Variants in RGS12 observed in about 807,000 individuals in gnomAD.
RGS12 encodes regulator of G protein signaling 12, also known as regulator of G-protein signaling 12.
RGS12 carries 66 observed loss-of-function variants against 120.1 expected under a neutral mutation model. That is an observed-to-expected ratio of 0.55 (90% confidence interval 0.45 to 0.67). The LOEUF (loss-of-function observed/expected upper bound fraction) is 0.67. Among genes scored for constraint, RGS12 ranks in the 30% least tolerant of loss-of-function variants. The pLI is 0.00. For missense variants in RGS12, 1,859 were observed against 1,957.7 expected, an observed-to-expected ratio of 0.95 and a Z score of 0.95; for synonymous variants, 827 against 804.7, an observed-to-expected ratio of 1.03 and a Z score of -0.47.
At chr4:3,302,500 G>A (rs1453544881) in intron 1 of RGS12, among the ~76,000 whole-genome samples, 2 of 152,228 alleles carry the variant, frequency 1.3e-5, no homozygotes, top group African/African-American at 2.4e-5. Context: ...ACAGAGACAC[G>A]GGCAGGTGGG....
chr4:3,375,262 C>CCCTCATCTCCAG (rs1249225347), intron 3 of RGS12, among the ~76,000 whole-genome samples: 4 of 138,834 alleles, frequency 2.9e-5, no homozygotes, highest in Admixed American at 2.1e-4. Context: ...TCATCTCCAG[C>CCCTCATCTCCAG]CCTCATCTCC....
intron 1 of RGS12, among the ~76,000 whole-genome samples, chr4:3,315,244 A>T (rs1180625051): frequency 3.3e-5 from 5 of 152,170 alleles, no homozygotes. Context: ...GCTGTAATGA[A>T]TCTCAGCTGT....
At chr4:3,353,167 C>G (rs1714532625) in intron 3 of RGS12, among the ~76,000 whole-genome samples, 1 of 152,206 alleles carries the variant, frequency 6.6e-6, no homozygotes, top group Non-Finnish European at 1.5e-5. Flanking sequence ...TGAACCAGAT[C>G]ATACAGGCCC....
At chr4:3,425,062 CTTCAT>C (rs997761477) in intron 13 of RGS12, among the ~76,000 whole-genome samples, 6 of 152,248 alleles carry the variant, frequency 3.9e-5, no homozygotes, top group Non-Finnish European at 7.3e-5. Flanking sequence ...GCTAGTGGCG[CTTCAT>C]TTCAGCCTCA....
At chr4:3,388,720 C>G (rs1719129807) in intron 4 of RGS12, among the ~76,000 whole-genome samples, 1 of 152,252 alleles carries the variant, frequency 6.6e-6, no homozygotes, top group African/African-American at 2.4e-5. Context: ...TCCCCCACAC[C>G]CTGCCCTCCA....
intron 16 of RGS12, among the ~76,000 whole-genome samples, chr4:3,429,618 G>A (rs566709680): frequency 1.3e-5 from 2 of 152,314 alleles, no homozygotes; most frequent in East Asian, 3.9e-4. Context: ...CATCTACCTC[G>A]AATGGTGGCC....
intron 3 of RGS12, among the ~76,000 whole-genome samples, chr4:3,377,769 C>T (rs543717462): frequency 6.6e-6 from 1 of 152,310 alleles, no homozygotes; most frequent in African/African-American, 2.4e-5. Context: ...GAGTCCTTGT[C>T]AGCTGAGCTG....
chr4:3,331,329 A>G (rs546688864), intron 2 of RGS12, among the ~76,000 whole-genome samples: 1 of 152,330 alleles, frequency 6.6e-6, no homozygotes, highest in South Asian at 2.1e-4. Context: ...GAAAACTGGG[A>G]AGAATCCAGG....
intron 7 of RGS12, 72 bp downstream of exon 7, chr4:3,416,193 A>T (rs1722381424): frequency 6.5e-7 from 1 of 1,548,712 alleles, no homozygotes; most frequent in African/African-American, 1.4e-5. Context: ...CCTTCAAAGA[A>T]CACGTGCTAT....
chr4:3,423,449 T>G (rs1723253785), intron 12 of RGS12, 66 bp from the exon 13 acceptor site: 1 of 1,597,438 alleles, frequency 6.3e-7, no homozygotes, highest in African/African-American at 1.3e-5. Context: ...GTAGTTCTGC[T>G]CGTGAGACTG....
intron 4 of RGS12, among the ~76,000 whole-genome samples, chr4:3,411,569 A>G (rs566117287): frequency 6.6e-6 from 1 of 152,368 alleles, no homozygotes; most frequent in South Asian, 2.1e-4. Flanking sequence ...ATAGGCAAGT[A>G]TCGGCGTGAT....
chr4:3,400,511 A>C (rs1720470584), intron 4 of RGS12, among the ~76,000 whole-genome samples: 1 of 152,076 alleles, frequency 6.6e-6, no homozygotes, highest in Non-Finnish European at 1.5e-5. Flanking sequence ...CTGGAGGCCA[A>C]AGGAGCATCT....
At chr4:3,309,428 T>A (rs1358814517) in intron 1 of RGS12, among the ~76,000 whole-genome samples, 5 of 92,688 alleles carry the variant, frequency 5.4e-5, no homozygotes, top group Non-Finnish European at 6.4e-5. Flanking sequence ...AGGGGAACCG[T>A]GCAGGGGAGG....
intron 4 of RGS12, among the ~76,000 whole-genome samples, chr4:3,412,359 C>T (rs1444335895): frequency 2.0e-5 from 3 of 152,262 alleles, no homozygotes; most frequent in Non-Finnish European, 4.4e-5. Flanking sequence ...GCCTACAGCA[C>T]GTCTGCAGAC....
intron 3 of RGS12, among the ~76,000 whole-genome samples, chr4:3,348,864 A>G (rs964359931): frequency 2.0e-5 from 3 of 152,206 alleles, no homozygotes; most frequent in Non-Finnish European, 4.4e-5. Flanking sequence ...AGCAAGGCCA[A>G]GCCCAAGCCG....
intron 1 of RGS12, among the ~76,000 whole-genome samples, chr4:3,309,428 T>G (rs1358814517): frequency 2.3e-4 from 21 of 92,730 alleles, no homozygotes; most frequent in African/African-American, 2.8e-4. Context: ...AGGGGAACCG[T>G]GCAGGGGAGG....
intron 1 of RGS12, among the ~76,000 whole-genome samples, chr4:3,300,805 T>A (rs1254455245): frequency 6.6e-6 from 1 of 152,228 alleles, no homozygotes; most frequent in African/African-American, 2.4e-5. Context: ...CACCTGTGAT[T>A]GCATTTAGGA....
chr4:3,406,908 G>A (rs1721190934), intron 4 of RGS12, among the ~76,000 whole-genome samples: 1 of 152,174 alleles, frequency 6.6e-6, no homozygotes, highest in Non-Finnish European at 1.5e-5. Context: ...GTTCACAGGT[G>A]GTCCAGTTTG....
At chr4:3,297,838 C>G (rs1340810877) in intron 1 of RGS12, among the ~76,000 whole-genome samples, 1 of 152,174 alleles carries the variant, frequency 6.6e-6, no homozygotes, top group Non-Finnish European at 1.5e-5. Context: ...CTGCTCTTCT[C>G]TCTCTGCTTG....
Sources: gnomAD v4.1 joint callset for allele counts (sites outside exome capture counted in the v4.1 genomes callset) on GRCh38, gnomAD v4.1.1 for gene constraint, MANE v1.5 for transcripts, NCBI Gene and HGNC (gene_info 2026-07-23, HGNC 2026-07-21) for gene names.